OCLN: variants seen among roughly 807,000 people sequenced by gnomAD.
The protein encoded by OCLN is phosphatase 1, regulatory subunit 115.
A neutral mutation model predicts 47.9 loss-of-function variants in OCLN; 21 were observed. The observed-to-expected ratio is 0.44, with a 90% CI of 0.31 to 0.63. The LOEUF (loss-of-function observed/expected upper bound fraction) is 0.63. Ranked by LOEUF, OCLN falls within the 30% of genes least tolerant of loss-of-function variation. The pLI is 0.08. For missense variants in OCLN, 360 were observed against 571.0 expected (o/e 0.63, Z 3.77); for synonymous variants, 117 against 198.4 (o/e 0.59, Z 3.45).
rs777860360 is a variant in OCLN at position 69,509,749 on chromosome 5, A to G, written c.659A>G (p.Tyr220Cys). ...SQIYALCNQF[Y>C]TPAATGLYVD... The stretch of plus-strand genomic sequence containing the variant: ...ATATATGCCCTCTGCAACCAATTTT[A>G]TACACCTGCAGCTACTGGACTCTAC... The change falls in exon 3 of 9, where the codon TAT becomes TGT. Residue 220 changes from tyrosine to cysteine, a missense_variant. By Grantham distance (194) the Tyr-to-Cys change is radical (BLOSUM62 -2). Around this residue, in one of 3 missense-constraint regions of OCLN, gnomAD observed 314 missense variants for 368.1 expected, o/e 0.85. Transcript: ENST00000396442. 6.8e-6 allele frequency: 11 copies of G among 1,614,006 alleles called. No homozygotes were observed. The Admixed American group carries it at 1.7e-4, about 24-fold the overall frequency.
Position 69,509,160 on chromosome 5 carries a change from C to A in OCLN, c.70C>A (p.Pro24Thr). The A allele has an allele frequency of 6.2e-7, 1 of 1,614,002 alleles. No homozygotes were observed. The highest frequency in any genetic ancestry group is 8.5e-7 in the Non-Finnish European group (1 of 1,179,880). Residue 24 changes from proline (P) to threonine (T), a missense_variant, in exon 3 of 9, where the codon CCA becomes ACA. Pro to Thr is a conservative substitution (Grantham distance 38). Around this residue, in one of 3 missense-constraint regions of OCLN, gnomAD observed 314 missense variants for 368.1 expected, o/e 0.85. Transcript: ENST00000396442. ...TTTCAGCAAACCGAATCATTATGCA[C>A]CAAGCAATGACATATATGGTGGAGA... is the stretch of plus-strand genomic sequence containing the variant. ...PDEFKPNHYA[P>T]SNDIYGGEMH...
chr5:69,515,373 C>A (rs1221589409), intron 4 of OCLN, among the ~76,000 whole-genome samples: 1 of 143,904 alleles, frequency 6.9e-6, no homozygotes, highest in African/African-American at 2.6e-5. Context: ...AGGGGCCCCT[C>A]ACCTCCCAGA....
chr5:69,517,652 T>C (rs1395336178), intron 4 of OCLN, among the ~76,000 whole-genome samples: 1 of 152,154 alleles, frequency 6.6e-6, no homozygotes, highest in African/African-American at 2.4e-5. Context: ...TAAGGAAATC[T>C]AGGAAGATAG....
At chr5:69,500,183 A>G (rs1419118546) in intron 1 of OCLN, among the ~76,000 whole-genome samples, 1 of 152,118 alleles carries the variant, frequency 6.6e-6, no homozygotes, top group Non-Finnish European at 1.5e-5. Context: ...GGTGGACATA[A>G]ATGGTTCATT....
At chr5:69,534,934 C>T in intron 5 of OCLN, 95 bp downstream of exon 5, 1 of 1,365,526 alleles carries the variant, frequency 7.3e-7, no homozygotes, top group Non-Finnish European at 1.0e-6. Flanking sequence ...AAAAAATATC[C>T]AGCAGTGCAC....
In OCLN at chr5:69,554,843, G is replaced by C. The variant is rs1270422529; in HGVS notation, c.*1172G>C. The C allele has an allele frequency of 6.6e-6, 1 of 151,704 alleles. No homozygotes were observed. The highest frequency in any genetic ancestry group is 1.9e-4 in the East Asian group (1 of 5,178). 9.4% of individuals were successfully genotyped at this position (151,704 alleles called of 1,614,324 possible). On this transcript the variant is annotated 3_prime_UTR_variant, in exon 9 of 9. Transcript: ENST00000396442. ...TTGATAGCACTGTGCTGACCAAGTT[G>C]ATTGTGATCATCCCAGCTTAGACTT...
intron 3 of OCLN, among the ~76,000 whole-genome samples, chr5:69,511,785 A>T (rs1012864950): frequency 6.6e-6 from 1 of 152,016 alleles, no homozygotes; most frequent in Non-Finnish European, 1.5e-5. Flanking sequence ...AGCACTTTGG[A>T]AGGCCAAGGT....
intron 1 of OCLN, among the ~76,000 whole-genome samples, chr5:69,494,019 T>C (rs1419804815): frequency 1.3e-5 from 2 of 152,216 alleles, no homozygotes; most frequent in Non-Finnish European, 2.9e-5. Flanking sequence ...AGTCAGTGTG[T>C]GGCCCTTAGG....
chr5:69,527,883 T>G (rs897093850), intron 4 of OCLN, among the ~76,000 whole-genome samples: 4 of 152,112 alleles, frequency 2.6e-5, no homozygotes, highest in Admixed American at 2.6e-4. Context: ...AAAGGGGGTC[T>G]TCTCGGTTGG....
Position 69,533,013 on chromosome 5 carries a change from G to GTGTGTGCA in OCLN, c.892-1675_892-1674insCATGTGTG, listed in dbSNP as rs1554055334. The stretch of plus-strand genomic sequence containing the variant: ...TGTATGCATGTATGTGTGTGTGTGT[G>GTGTGTGCA]TGTGTGTGTGTATACACACACACAT... On this transcript the variant is annotated intron_variant, in intron 4 of 8. Transcript: ENST00000396442. Among the ~76,000 whole-genome samples, 1,078 of 122,958 alleles carry GTGTGTGCA rather than the reference G, an allele frequency of 8.8e-3. 9 individuals are homozygous for GTGTGTGCA. Among genetic ancestry groups the GTGTGTGCA allele is most frequent in the South Asian group, 0.019 (76 of 3,996 alleles). 80.7% of individuals were successfully genotyped at this position (122,958 alleles called of 152,430 possible).
intron 4 of OCLN, among the ~76,000 whole-genome samples, chr5:69,532,199 G>C (rs1769450938): frequency 6.6e-6 from 1 of 151,890 alleles, no homozygotes; most frequent in African/African-American, 2.4e-5. Context: ...GTGGTTGGCA[G>C]ACCTGGGGTG....
rs1479659926 is a variant in OCLN, at chr5:69,509,199, C to G, written c.109C>G (p.Pro37Ala). Residue 37 changes from proline to alanine, a missense_variant, in exon 3 of 9, where the codon CCA becomes GCA. This residue lies in a region of OCLN where 314 missense variants were observed against 368.1 expected (regional missense o/e 0.85). Coordinates refer to ENST00000396442, the MANE Select transcript of OCLN (RefSeq NM_001205254.2). ...ATATGGTGGAGAGATGCATGTTCGA[C>G]CAATGCTCTCTCAGCCAGCCTACTC... is the stretch of plus-strand genomic sequence containing the variant. Reference protein sequence around the residue: ...DIYGGEMHVRPMLSQPAYSFY... With the variant: ...DIYGGEMHVRAMLSQPAYSFY... 6.2e-7 allele frequency: 1 copy of G among 1,614,096 alleles called. No individual in the cohort carries two copies. Among genetic ancestry groups the G allele is most frequent in the Admixed American group, 1.7e-5 (1 of 60,030 alleles).
rs79982221 is a variant in OCLN at position 69,510,107 on chromosome 5, C to T, written c.729+288C>T. 7.7e-3 allele frequency among the ~76,000 whole-genome samples: 1,172 copies of T among 152,274 alleles called. 10 individuals carry two copies. Among genetic ancestry groups the T allele is most frequent in the African/African-American group, 0.026 (1,100 of 41,550 alleles). On this transcript the variant is annotated intron_variant, in intron 3 of 8. Coordinates refer to ENST00000396442, the MANE Select transcript of OCLN (RefSeq NM_001205254.2). Reference sequence around the variant, plus strand: ...ACTATCCTAAAAAGAAACTTGTACCCGTTAGCGGTCACTCCTCATTTCCCT... The same window carrying T: ...ACTATCCTAAAAAGAAACTTGTACCTGTTAGCGGTCACTCCTCATTTCCCT...
intron 4 of OCLN, among the ~76,000 whole-genome samples, chr5:69,526,147 C>T (rs1012044737): frequency 1.6e-4 from 24 of 152,120 alleles, no homozygotes; most frequent in African/African-American, 5.8e-4. Flanking sequence ...TGAAACAGCC[C>T]ACTCACTCCC....
chr5:69,508,130 G>T (rs918618071), intron 2 of OCLN, among the ~76,000 whole-genome samples: 1 of 151,926 alleles, frequency 6.6e-6, no homozygotes, highest in Non-Finnish European at 1.5e-5. Context: ...CTGCCTCCTG[G>T]GTTCAAGGGA....
chr5:69,532,926 C>T (rs922559288), intron 4 of OCLN, among the ~76,000 whole-genome samples: 1 of 151,536 alleles, frequency 6.6e-6, no homozygotes, highest in South Asian at 2.1e-4. Context: ...CGAGATCGCA[C>T]CACTGCACTC....
At chr5:69,510,994 G>A (rs1768767936) in intron 3 of OCLN, among the ~76,000 whole-genome samples, 2 of 152,132 alleles carry the variant, frequency 1.3e-5, no homozygotes, top group Admixed American at 1.3e-4. Flanking sequence ...TTTCTTTATA[G>A]CTAATGTTAT....
intron 3 of OCLN, among the ~76,000 whole-genome samples, chr5:69,512,788 G>A (rs1401003440): frequency 6.6e-6 from 1 of 152,202 alleles, no homozygotes; most frequent in Non-Finnish European, 1.5e-5. Flanking sequence ...TGATTCAAAT[G>A]TGCAGGTTGG....
chr5:69,516,872 C>A (rs769906420), intron 4 of OCLN, among the ~76,000 whole-genome samples: 1 of 151,886 alleles, frequency 6.6e-6, no homozygotes, highest in Non-Finnish European at 1.5e-5. Context: ...ACCTAGGCAA[C>A]ATAATGGGAC....
Sources: gnomAD v4.1 joint callset for allele counts (sites outside exome capture counted in the v4.1 genomes callset) on GRCh38, gnomAD v4.1.1 for gene constraint, gnomAD v4.1.1 regional missense constraint, MANE v1.5 for transcripts, NCBI Gene and HGNC (gene_info 2026-07-23, HGNC 2026-07-21) for gene names.